Variants in VPS8 observed in about 807,000 individuals in gnomAD.
The protein encoded by VPS8 is vacuolar protein sorting-associated protein 8 homolog.
In VPS8, 129 loss-of-function variants were observed where a neutral mutation model predicts 216.4. The observed-to-expected ratio is 0.60, with a 90% CI of 0.52 to 0.69. VPS8 has a LOEUF of 0.69. Among genes scored for constraint, VPS8 ranks in the 30% least tolerant of loss-of-function variants. The probability of loss-of-function intolerance (pLI) is 0.00; values close to 1 mark genes in which losing one functional copy is unlikely to be tolerated. For synonymous variants in VPS8, 571 were observed against 565.4 expected, an observed-to-expected ratio of 1.01 and a Z score of -0.14; for missense variants, 1,531 against 1,683.5, an observed-to-expected ratio of 0.91 and a Z score of 1.59.
chr3:185,031,081 T>TTTTG (rs1758091708), intron 46 of VPS8, among the ~76,000 whole-genome samples: 1 of 148,812 alleles, frequency 6.7e-6, no homozygotes, highest in African/African-American at 2.5e-5. Context: ...TTTTTTTTTT[T>TTTTG]TTTTTTTTTT....
chr3:185,020,232 C>T (rs1044410512), intron 45 of VPS8, among the ~76,000 whole-genome samples: 1 of 152,156 alleles, frequency 6.6e-6, no homozygotes, highest in Non-Finnish European at 1.5e-5. Context: ...TATGTCTAGG[C>T]AGTGAATGAA....
At chr3:185,001,222 TAG>T (rs758394479) in intron 45 of VPS8, among the ~76,000 whole-genome samples, 4 of 152,182 alleles carry the variant, frequency 2.6e-5, no homozygotes, top group African/African-American at 4.8e-5. Context: ...TAGCTAGAGT[TAG>T]AGACTCCATG....
At chr3:185,037,875 T>C (rs1269821485) in intron 46 of VPS8, among the ~76,000 whole-genome samples, 1 of 152,222 alleles carries the variant, frequency 6.6e-6, no homozygotes, top group Non-Finnish European at 1.5e-5. Context: ...CTTCCTTTAC[T>C]TTGTAAACCA....
intron 1 of VPS8, among the ~76,000 whole-genome samples, chr3:184,817,861 A>G (rs1433891955): frequency 1.3e-5 from 2 of 152,210 alleles, no homozygotes; most frequent in Admixed American, 1.3e-4. Context: ...AGCTGGGGAG[A>G]AAAGAGTCAC....
chr3:184,916,393 T>TA (rs1163915021), intron 28 of VPS8, among the ~76,000 whole-genome samples: 1 of 152,130 alleles, frequency 6.6e-6, no homozygotes, highest in Non-Finnish European at 1.5e-5. Flanking sequence ...AAAACACACA[T>TA]ATACACAGTA....
Position 184,982,626 on chromosome 3 carries a change from A to T in VPS8, c.3481A>T (p.Ile1161Phe). 2 of 1,611,818 alleles carry T rather than the reference A, an allele frequency of 1.2e-6. No homozygotes were observed. Among genetic ancestry groups the T allele is most frequent in the Non-Finnish European group, 1.7e-6 (2 of 1,179,066 alleles). ...CCCTCAGAAGCTGTCCAGTTCAGCCATTCCTCATCTACACTCTGAAGGTAA... is the reference window on the plus strand; with the variant it reads ...CCCTCAGAAGCTGTCCAGTTCAGCCTTTCCTCATCTACACTCTGAAGGTAA... ...MAPQKLSSSA[I>F]PHLHSEALKS... Residue 1161 changes from isoleucine to phenylalanine, a missense_variant, in exon 41 of 48, where the codon ATT (isoleucine) becomes TTT (phenylalanine). By Grantham distance (21) the Ile-to-Phe change is conservative. Transcript: ENST00000625842.
At chr3:184,860,825 G>GT (rs35831025) in intron 15 of VPS8, among the ~76,000 whole-genome samples, 35,149 of 142,016 alleles carry the variant, frequency 0.25, 4,868 homozygotes, top group East Asian at 0.63. Flanking sequence ...TGACTTCTTG[G>GT]TTTTTTTTTT....
At chr3:184,872,354 TGAAAG>T (rs537179151) in intron 21 of VPS8, among the ~76,000 whole-genome samples, 90 of 152,080 alleles carry the variant, frequency 5.9e-4, no homozygotes, top group African/African-American at 2.0e-3. Flanking sequence ...TTCTAAAAGA[TGAAAG>T]GAACAAAGGT....
intron 46 of VPS8, among the ~76,000 whole-genome samples, chr3:185,040,571 A>T (rs1759489905): frequency 6.6e-6 from 1 of 151,938 alleles, no homozygotes; most frequent in Non-Finnish European, 1.5e-5. Context: ...ATCATACCAC[A>T]TCTCCTTGAG....
chr3:184,821,068 G>A (rs1464584639), intron 1 of VPS8, among the ~76,000 whole-genome samples: 1 of 152,136 alleles, frequency 6.6e-6, no homozygotes, highest in Non-Finnish European at 1.5e-5. Flanking sequence ...AAAATTTTGA[G>A]GTTTTAAATG....
At chr3:185,028,312 G>A (rs1294466313) in intron 46 of VPS8, among the ~76,000 whole-genome samples, 1 of 152,212 alleles carries the variant, frequency 6.6e-6, no homozygotes, top group African/African-American at 2.4e-5. Context: ...GCTTCCCAGC[G>A]AAGATAAAGC....
chr3:184,977,848 G>A (rs1420559664), intron 40 of VPS8, among the ~76,000 whole-genome samples: 1 of 140,488 alleles, frequency 7.1e-6, no homozygotes, highest in African/African-American at 2.6e-5. Context: ...TTGCATGTAT[G>A]TTCATCAGGA....
At chr3:184,902,848 A>T (rs1014393907) in intron 25 of VPS8, among the ~76,000 whole-genome samples, 3 of 151,868 alleles carry the variant, frequency 2.0e-5, no homozygotes, top group Non-Finnish European at 4.4e-5. Context: ...AAAAAAAAGA[A>T]ATCTTGGTTC....
chr3:184,886,286 C>CT, intron 22 of VPS8, 130 bp downstream of exon 22: 1 of 901,534 alleles, frequency 1.1e-6, no homozygotes, highest in Non-Finnish European at 1.7e-6. Flanking sequence ...AAATTTGATT[C>CT]TTTAACAGTT....
chr3:184,851,221 A>G (rs543883394), intron 10 of VPS8, among the ~76,000 whole-genome samples: 2 of 152,364 alleles, frequency 1.3e-5, no homozygotes, highest in East Asian at 3.9e-4. Context: ...AAAAGCAGAG[A>G]GAAAAGAGAA....
chr3:184,844,397 G>C (rs1249610194), intron 8 of VPS8, among the ~76,000 whole-genome samples: 2 of 151,618 alleles, frequency 1.3e-5, no homozygotes, highest in African/African-American at 4.9e-5. Flanking sequence ...CTCCAGCCTG[G>C]GTGACAGAGT....
intron 43 of VPS8, 70 bp from the exon 44 acceptor site, chr3:184,996,262 C>G (rs1281948978): frequency 6.9e-7 from 1 of 1,458,962 alleles, no homozygotes; most frequent in Admixed American, 2.5e-5. Context: ...TGCTATTCAC[C>G]ATTCATCTCC....
intron 34 of VPS8, among the ~76,000 whole-genome samples, chr3:184,933,792 T>C (rs1283740134): frequency 6.6e-6 from 1 of 152,220 alleles, no homozygotes; most frequent in Non-Finnish European, 1.5e-5. Flanking sequence ...AGGATCTATA[T>C]GTGTAGTCTG....
At chr3:184,824,992 A>G (rs1380873697) in intron 2 of VPS8, 3 of 537,548 alleles carry the variant, frequency 5.6e-6, no homozygotes, top group South Asian at 1.9e-5. Context: ...TGAAGCTTCA[A>G]CCTCCTGGGC....
Sources: gnomAD v4.1 joint callset for allele counts (sites outside exome capture counted in the v4.1 genomes callset) on GRCh38, gnomAD v4.1.1 for gene constraint, MANE v1.5 for transcripts, NCBI Gene and HGNC (gene_info 2026-07-23, HGNC 2026-07-21) for gene names.